Variants in ATG10 observed in about 807,000 individuals in gnomAD.
The protein encoded by ATG10 is autophagy related 10.
A neutral mutation model predicts 32.1 loss-of-function variants in ATG10; 30 were observed. That is an observed-to-expected ratio of 0.94 (90% CI 0.70 to 1.27). The LOEUF is 1.27. Among genes scored for constraint, ATG10 ranks in the 50% most tolerant of loss-of-function variants. ATG10 has a pLI of 0.00. For missense variants in ATG10, 233 were observed against 262.3 expected (o/e 0.89, Z 0.77); for synonymous variants, 87 against 91.5 (o/e 0.95, Z 0.28).
chr5:82,246,005 G>A (rs2150024904), intron 5 of ATG10, among the ~76,000 whole-genome samples: 2 of 151,348 alleles, frequency 1.3e-5, no homozygotes, highest in Middle Eastern at 6.9e-3. Context: ...AAGCTTTTGG[G>A]TTTCACATGC....
At chr5:82,235,522 G>GT (rs1746519888) in intron 5 of ATG10, among the ~76,000 whole-genome samples, 2 of 152,100 alleles carry the variant, frequency 1.3e-5, no homozygotes, top group East Asian at 1.9e-4. Context: ...CAAAATAATT[G>GT]TTTTTTCCAT....
chr5:82,105,679 C>T (rs1300276806), intron 3 of ATG10, among the ~76,000 whole-genome samples: 1 of 152,098 alleles, frequency 6.6e-6, no homozygotes, highest in African/African-American at 2.4e-5. Context: ...ACTCTTTTCT[C>T]CCCACTCCTT....
At chr5:82,204,151 T>C (rs953702806) in intron 5 of ATG10, among the ~76,000 whole-genome samples, 1 of 152,242 alleles carries the variant, frequency 6.6e-6, no homozygotes. Flanking sequence ...TATTTTTGCA[T>C]GTGGGAAGTA....
chr5:82,150,114 C>T (rs1348654077), intron 3 of ATG10, among the ~76,000 whole-genome samples: 1 of 152,082 alleles, frequency 6.6e-6, no homozygotes. Context: ...GCTCTAAAAA[C>T]ATCTGCTCAG....
At chr5:82,239,798 A>G (rs1457016905) in intron 5 of ATG10, among the ~76,000 whole-genome samples, 1 of 152,222 alleles carries the variant, frequency 6.6e-6, no homozygotes, top group East Asian at 1.9e-4. Flanking sequence ...AGAATATATA[A>G]GGAACTCAAG....
rs570868503 is a variant in ATG10, at chr5:82,229,146, C to T, written c.454-23416C>T. ...TTTGTCCCTTGAAGTTTTTGTGAAA[C>T]GAGCTATTTCTGAGTGGACCCCTCT... On this transcript the variant is annotated intron_variant, in intron 5 of 7. Transcript: ENST00000282185. Among the ~76,000 whole-genome samples the T allele has an allele frequency of 7.9e-5, 12 of 152,240 alleles. No homozygotes were observed. In the South Asian group the frequency reaches 1.5e-3, roughly 18 times the overall value.
At chr5:82,114,214 G>A (rs141851760) in intron 3 of ATG10, among the ~76,000 whole-genome samples, 101 of 152,092 alleles carry the variant, frequency 6.6e-4, no homozygotes, top group Middle Eastern at 6.8e-3. Flanking sequence ...TATCTTATAT[G>A]TATGATTGGC....
At chr5:82,025,063 C>T (rs1762555880) in intron 2 of ATG10, among the ~76,000 whole-genome samples, 1 of 152,142 alleles carries the variant, frequency 6.6e-6, no homozygotes, top group Non-Finnish European at 1.5e-5. Flanking sequence ...TGGGTCTTGA[C>T]AAAAAGTGAA....
chr5:82,009,564 G>T (rs1343155516), intron 2 of ATG10: 29 of 1,524,458 alleles, frequency 1.9e-5, no homozygotes, highest in Non-Finnish European at 2.6e-5. Flanking sequence ...AGAAGGAATG[G>T]TCTGGTGGTT....
Position 82,131,379 on chromosome 5 carries a change from A to G in ATG10, c.217-33020A>G, listed in dbSNP as rs577572642. Among the ~76,000 whole-genome samples the G allele has an allele frequency of 6.2e-4, 94 of 152,264 alleles. 1 individual carries two copies. The highest frequency in any genetic ancestry group is 2.0e-3 in the African/African-American group (84 of 41,564). ...ACTTGGAGTTTAAAGATAGGGGTTCATTTTCCAGTTCTGCCACATGGCAGA... is the reference window on the plus strand; with the variant it reads ...ACTTGGAGTTTAAAGATAGGGGTTCGTTTTCCAGTTCTGCCACATGGCAGA... On this transcript the variant is annotated intron_variant, in intron 3 of 7. Coordinates refer to ENST00000282185, the MANE Select transcript of ATG10 (RefSeq NM_031482.5).
At position 82,246,032 on chromosome 5, in the gene ATG10, A is replaced by T. The variant is rs116707143; in HGVS notation, c.454-6530A>T. Among the ~76,000 whole-genome samples, 536 of 151,706 alleles carry T rather than the reference A, an allele frequency of 3.5e-3. 3 individuals are homozygous for T. Among genetic ancestry groups the T allele is most frequent in the African/African-American group, 0.012 (512 of 41,368 alleles). On this transcript the variant is annotated intron_variant, in intron 5 of 7. Coordinates refer to ENST00000282185, the MANE Select transcript of ATG10 (RefSeq NM_031482.5). ...TTCACATGCTCTCAAAAACATGCTTACTAATATTCTAACAACAGAGGCACA... is the reference window on the plus strand; with the variant it reads ...TTCACATGCTCTCAAAAACATGCTTTCTAATATTCTAACAACAGAGGCACA...
intron 3 of ATG10, among the ~76,000 whole-genome samples, chr5:82,083,814 C>T (rs1251027906): frequency 1.3e-5 from 2 of 152,112 alleles, no homozygotes; most frequent in Non-Finnish European, 2.9e-5. Context: ...ACACCAAAAC[C>T]CCATCTGTAT....
intron 5 of ATG10, among the ~76,000 whole-genome samples, chr5:82,189,727 G>A (rs149458789): frequency 6.6e-6 from 1 of 152,058 alleles, no homozygotes; most frequent in Middle Eastern, 3.2e-3. Context: ...GGGCTCAAGC[G>A]ATTCTCCTGC....
intron 5 of ATG10, among the ~76,000 whole-genome samples, chr5:82,236,045 C>G (rs1746539339): frequency 6.6e-6 from 1 of 152,170 alleles, no homozygotes. Flanking sequence ...AGATGCTACT[C>G]TTGTTGTGTT....
chr5:82,006,829 A>G (rs1285131408), intron 2 of ATG10, among the ~76,000 whole-genome samples: 2 of 152,088 alleles, frequency 1.3e-5, no homozygotes, highest in Non-Finnish European at 2.9e-5. Context: ...TATCTCAGGT[A>G]AGTAGAATCA....
intron 5 of ATG10, among the ~76,000 whole-genome samples, chr5:82,203,126 GCT>G: frequency 6.6e-6 from 1 of 152,060 alleles, no homozygotes; most frequent in African/African-American, 2.4e-5. Flanking sequence ...TACTCAGGAG[GCT>G]GAGACAGGAG....
intron 2 of ATG10, among the ~76,000 whole-genome samples, chr5:82,044,283 C>T (rs1476337017): frequency 6.6e-6 from 1 of 152,072 alleles, no homozygotes. Context: ...TATGAGAACT[C>T]ACTCACTATT....
At chr5:82,160,518 G>A (rs939716250) in intron 3 of ATG10, among the ~76,000 whole-genome samples, 2 of 152,110 alleles carry the variant, frequency 1.3e-5, no homozygotes, top group Non-Finnish European at 2.9e-5. Context: ...ATAAATCCTC[G>A]AGTGCAGTTG....
At chr5:82,214,141 T>C (rs1345919789) in intron 5 of ATG10, among the ~76,000 whole-genome samples, 1 of 152,232 alleles carries the variant, frequency 6.6e-6, no homozygotes, top group Non-Finnish European at 1.5e-5. Context: ...CCATGTGGAC[T>C]TCCACATGGT....
Sources: gnomAD v4.1 joint callset for allele counts (sites outside exome capture counted in the v4.1 genomes callset) on GRCh38, gnomAD v4.1.1 for gene constraint, MANE v1.5 for transcripts, NCBI Gene and HGNC (gene_info 2026-07-23, HGNC 2026-07-21) for gene names.